Variants in SLC16A2 observed in about 807,000 individuals in gnomAD.
SLC16A2 encodes monocarboxylate transporter 8.
Under a neutral mutation model 27.2 loss-of-function variants are expected in SLC16A2, and 3 were observed. The ratio of observed to expected loss-of-function variants is 0.11; its 90% CI spans 0.05 to 0.28. SLC16A2 has a LOEUF of 0.28. Ranked by LOEUF, SLC16A2 falls within the 10% of genes least tolerant of loss-of-function variation. SLC16A2 has a pLI of 1.00. For missense variants in SLC16A2, 295 were observed against 458.5 expected, an observed-to-expected ratio of 0.64 and a Z score of 3.26; for synonymous variants, 202 against 187.8, an observed-to-expected ratio of 1.08 and a Z score of -0.62.
At chrX:74,501,390 C>G (rs1930031277) in intron 1 of SLC16A2, among the ~76,000 whole-genome samples, 1 of 111,520 alleles carries the variant, frequency 9.0e-6, no homozygotes, top group Admixed American at 9.6e-5. Flanking sequence ...GCAGACAGTA[C>G]AGAGAACAAA....
At chrX:74,430,801 G>A (rs1252283168) in intron 1 of SLC16A2, among the ~76,000 whole-genome samples, 4 of 112,545 alleles carry the variant, frequency 3.6e-5, no homozygotes, top group Non-Finnish European at 7.5e-5. Context: ...GAGTGCAGTG[G>A]CACGATCTTC....
intron 1 of SLC16A2, among the ~76,000 whole-genome samples, chrX:74,487,749 A>T (rs1273945195): frequency 1.8e-5 from 2 of 111,501 alleles, no homozygotes; most frequent in Non-Finnish European, 3.8e-5. Context: ...CTCCACATCA[A>T]CTTGTTGGTA....
chrX:74,498,502 C>T (rs1929975175), intron 1 of SLC16A2, among the ~76,000 whole-genome samples: 1 of 111,103 alleles, frequency 9.0e-6, no homozygotes, highest in Non-Finnish European at 1.9e-5. Context: ...CTCTAGTCCC[C>T]TGTCCACCAA....
chrX:74,432,697 A>T (rs1224953980), intron 1 of SLC16A2, among the ~76,000 whole-genome samples: 1 of 111,737 alleles, frequency 8.9e-6, no homozygotes, highest in South Asian at 3.8e-4. Context: ...TGTGACTTTA[A>T]TCAGCATTGT....
chrX:74,475,224 T>C (rs1929446366), intron 1 of SLC16A2, among the ~76,000 whole-genome samples: 1 of 109,831 alleles, frequency 9.1e-6, no homozygotes, highest in Admixed American at 9.7e-5. Context: ...ATTTCTCTGA[T>C]GGCCAGTGAT....
chrX:74,444,417 C>T (rs1299812381), intron 1 of SLC16A2, among the ~76,000 whole-genome samples: 2 of 109,524 alleles, frequency 1.8e-5, no homozygotes, highest in African/African-American at 6.7e-5. Flanking sequence ...CCTGGCTGTC[C>T]TGGCACCATA....
At chrX:74,434,879 G>A (rs1334243602) in intron 1 of SLC16A2, among the ~76,000 whole-genome samples, 2 of 103,924 alleles carry the variant, frequency 1.9e-5, no homozygotes, top group South Asian at 4.6e-4. Flanking sequence ...GCAGTGGCGC[G>A]ATCTCGGCTT....
intron 1 of SLC16A2, among the ~76,000 whole-genome samples, chrX:74,496,273 C>A (rs935600331): frequency 2.5e-5 from 1 of 39,362 alleles, no homozygotes; most frequent in Admixed American, 2.7e-4. Context: ...CACACACACA[C>A]ACGCACACAC....
chrX:74,427,812 CACACA>C (rs1928436757), intron 1 of SLC16A2, among the ~76,000 whole-genome samples: 10 of 30,525 alleles, frequency 3.3e-4, no homozygotes, highest in African/African-American at 1.7e-3. Flanking sequence ...CACGCGCGCG[CACACA>C]CACACACACA....
chrX:74,477,337 A>G (rs1929503119), intron 1 of SLC16A2, among the ~76,000 whole-genome samples: 1 of 110,783 alleles, frequency 9.0e-6, no homozygotes, highest in Non-Finnish European at 1.9e-5. Flanking sequence ...CCCCTTTATC[A>G]TTTTTTTATT....
chrX:74,442,268 C>T (rs748920144), intron 1 of SLC16A2, among the ~76,000 whole-genome samples: 14 of 109,829 alleles, frequency 1.3e-4, no homozygotes, highest in African/African-American at 4.3e-4. Flanking sequence ...AATTTGTGCC[C>T]CCAGGAGAAG....
intron 1 of SLC16A2, among the ~76,000 whole-genome samples, chrX:74,474,708 C>G (rs1929430301): frequency 9.1e-6 from 1 of 110,488 alleles, no homozygotes; most frequent in African/African-American, 3.3e-5. Context: ...CAATTCCCAC[C>G]TACGAGTGAG....
chrX:74,477,740 C>T (rs769702351), intron 1 of SLC16A2, among the ~76,000 whole-genome samples: 6 of 111,781 alleles, frequency 5.4e-5, no homozygotes, highest in Non-Finnish European at 7.5e-5. Context: ...CGTTATGTAC[C>T]CAGTAGTCAT....
intron 1 of SLC16A2, among the ~76,000 whole-genome samples, chrX:74,476,428 G>A: frequency 8.9e-6 from 1 of 111,894 alleles, no homozygotes; most frequent in Non-Finnish European, 1.9e-5. Flanking sequence ...TGCAAACAGG[G>A]ACAGTTTGAC....
intron 1 of SLC16A2, among the ~76,000 whole-genome samples, chrX:74,428,148 G>T (rs1021823837): frequency 2.7e-5 from 3 of 111,200 alleles, no homozygotes; most frequent in African/African-American, 9.8e-5. Flanking sequence ...ACTGGGAAGC[G>T]GGTTTAGGCA....
rs751936813 is a variant in SLC16A2 at position 74,515,647 on chromosome X, G to GCACA, written c.431-5324_431-5321dup. ...TAAACACACAGACATGCACGTGCAT[G>GCACA]CACACACACACACACACACACATCT... is the stretch of plus-strand genomic sequence containing the variant. On this transcript the variant is annotated intron_variant, in intron 1 of 5. Coordinates refer to ENST00000587091, the MANE Select transcript of SLC16A2 (RefSeq NM_006517.5). 1.9e-3 allele frequency among the ~76,000 whole-genome samples: 201 copies of GCACA among 107,149 alleles called. 2 individuals are homozygous for GCACA. In the East Asian group the frequency reaches 0.034, roughly 18 times the overall value. 93.0% of individuals were successfully genotyped at this position (107,149 alleles called of 115,157 possible).
intron 4 of SLC16A2, among the ~76,000 whole-genome samples, chrX:74,527,448 A>G (rs1930501471): frequency 8.9e-6 from 1 of 112,216 alleles, no homozygotes; most frequent in Non-Finnish European, 1.9e-5. Context: ...GCAGGAGTAC[A>G]GGCCTAGGGG....
At chrX:74,510,777 C>A (rs1298090988) in intron 1 of SLC16A2, among the ~76,000 whole-genome samples, 2 of 110,597 alleles carry the variant, frequency 1.8e-5, no homozygotes, top group Non-Finnish European at 3.8e-5. Context: ...TTGGGCTGGG[C>A]ATAGTGGCTC....
At chrX:74,499,363 C>T (rs1929988677) in intron 1 of SLC16A2, among the ~76,000 whole-genome samples, 1 of 110,487 alleles carries the variant, frequency 9.1e-6, no homozygotes, top group African/African-American at 3.3e-5. Context: ...ATTCAGTATT[C>T]ATCTCCTCCT....
Sources: allele counts gnomAD v4.1 joint callset (sites outside exome capture counted in the v4.1 genomes callset), GRCh38; gene constraint gnomAD v4.1.1; transcripts MANE v1.5; gene names NCBI Gene and HGNC (gene_info 2026-07-23, HGNC 2026-07-21).